The following NLRX1 variants were observed in gnomAD, a reference collection of about 807,000 sequenced individuals.
NLRX1 encodes the protein NOD-like receptor X1.
A neutral mutation model predicts 74.2 loss-of-function variants in NLRX1; 67 were observed. The ratio of observed to expected loss-of-function variants is 0.90; its 90% confidence interval spans 0.74 to 1.11. NLRX1 has a LOEUF of 1.11. NLRX1 is among the 50% of genes least tolerant of loss of function. The pLI is 0.00. For synonymous variants in NLRX1, 506 were observed against 559.1 expected (o/e 0.91, Z 1.34); for missense variants, 1,191 against 1,305.4 (o/e 0.91, Z 1.35).
chr11:119,174,043 C>G lies in NLRX1; in HGVS notation c.794C>G (p.Pro265Arg). The change falls in exon 5 of 10, where the codon CCG (proline) becomes CGG (arginine). Residue 265 changes from proline to arginine, a missense_variant. By Grantham distance (103) the Pro-to-Arg change is moderately radical. Transcript: ENST00000409109. ...GGACTTTGTAGTGACCCGGAGGAACCGCAGGAACCAGCTGCTATCATCGTC... is the reference window on the plus strand; with the variant it reads ...GGACTTTGTAGTGACCCGGAGGAACGGCAGGAACCAGCTGCTATCATCGTC... ...GTGLCSDPEEPQEPAAIIVNL... is the reference protein window; with the variant it reads ...GTGLCSDPEERQEPAAIIVNL... 1 of 1,614,166 alleles carries G rather than the reference C, an allele frequency of 6.2e-7. No homozygotes were observed. The highest frequency in any genetic ancestry group is 1.6e-4 in the Middle Eastern group (1 of 6,062).
In NLRX1 at chr11:119,171,501, T is replaced by C. The variant is rs746165359; in HGVS notation, c.70+28T>C. The stretch of plus-strand genomic sequence containing the variant: ...GAGCAGGAAGCAGGGGTTTCTGTTT[T>C]TACCTCTTTCTTGCTTTCCAGGGTC... On this transcript the variant is annotated intron_variant, in intron 2 of 9. Transcript: ENST00000409109. 3 of 1,560,102 alleles carry C rather than the reference T, an allele frequency of 1.9e-6. No homozygotes were observed. The African/African-American group carries it at 4.1e-5, about 21-fold the overall frequency.
intron 6 of NLRX1, 42 bp from the exon 7 acceptor site, chr11:119,179,651 C>T: frequency 6.5e-7 from 1 of 1,532,136 alleles, no homozygotes; most frequent in South Asian, 1.2e-5. Flanking sequence ...GCTGAACAGG[C>T]ACATGGAAGG....
At position 119,173,227 on chromosome 11, in the gene NLRX1, G is replaced by A. The variant is rs1948599630; in HGVS notation, c.229+238G>A. The A allele has an allele frequency of 1.6e-6, 1 of 617,622 alleles. No homozygotes were observed. The highest frequency in any genetic ancestry group is 2.9e-5 in the Admixed American group (1 of 34,230). The allele number at this position is 617,622 out of a possible 1,614,324, so 38.3% of individuals were successfully genotyped here. The stretch of plus-strand genomic sequence containing the variant: ...ACCATCCCTATGCTCAACAAAGTTG[G>A]GTCAAGCAGGTTAAGACGGCACATA... On this transcript the variant is annotated intron_variant, in intron 4 of 9. Coordinates refer to ENST00000409109, the MANE Select transcript of NLRX1 (RefSeq NM_001282144.2). The surrounding 1 kb of genome is among the most constrained non-coding windows in gnomAD (Gnocchi z 4.0).
intron 6 of NLRX1, among the ~76,000 whole-genome samples, chr11:119,176,787 C>T (rs559301965): frequency 1.3e-5 from 2 of 152,316 alleles, no homozygotes; most frequent in East Asian, 3.9e-4. Flanking sequence ...ACTTTGGCCT[C>T]CCAAAGTGCT....
intron 6 of NLRX1, 114 bp downstream of exon 6, chr11:119,175,388 A>C: frequency 1.2e-6 from 1 of 862,120 alleles, no homozygotes. Flanking sequence ...CCCAGCAGGA[A>C]ACTGCTGCTT....
Position 119,179,858 on chromosome 11 carries a change from G to A in NLRX1, c.1837G>A (p.Glu613Lys). 6.2e-7 allele frequency: 1 copy of A among 1,614,090 alleles called. No individual in the cohort carries two copies. Among genetic ancestry groups the A allele is most frequent in the Non-Finnish European group, 8.5e-7 (1 of 1,180,004 alleles). ...GGAGGGCCCCCGGCGCCACCCAGAT[G>A]AGCCCCCTGAGGATGAAGTCTTCGA... Reference protein sequence around the residue: ...GVEGPRRHPDEPPEDEVFELF... With the variant: ...GVEGPRRHPDKPPEDEVFELF... Residue 613 changes from glutamate to lysine, a missense_variant, in exon 7 of 10, where the codon GAG becomes AAG. Glu to Lys is a moderately conservative substitution (Grantham distance 56, BLOSUM62 1). Coordinates refer to ENST00000409109, the MANE Select transcript of NLRX1 (RefSeq NM_001282144.2).
intron 6 of NLRX1, 120 bp downstream of exon 6, chr11:119,175,394 T>A: frequency 1.2e-6 from 1 of 818,378 alleles, no homozygotes; most frequent in Non-Finnish European, 1.9e-6. Context: ...AGGAAACTGC[T>A]GCTTCCTGCA....
At position 119,176,644 on chromosome 11, in the gene NLRX1, G is replaced by A. The variant is rs961560833; in HGVS notation, c.1671+1370G>A. Among the ~76,000 whole-genome samples, 21 of 149,164 alleles carry A rather than the reference G, an allele frequency of 1.4e-4. No homozygotes were observed. In the South Asian group the frequency reaches 1.6e-3, roughly 12 times the overall value. On this transcript the variant is annotated intron_variant, in intron 6 of 9. Transcript: ENST00000409109. Reference sequence around the variant, plus strand: ...AGAGGTTGCAGTGAGCCAAGATTGCGCCACTGCACTCCAGCCTGAGCAACA... The same window carrying A: ...AGAGGTTGCAGTGAGCCAAGATTGCACCACTGCACTCCAGCCTGAGCAACA...
chr11:119,179,176 C>A (rs559173527), intron 6 of NLRX1, among the ~76,000 whole-genome samples: 1 of 152,182 alleles, frequency 6.6e-6, no homozygotes, highest in African/African-American at 2.4e-5. Flanking sequence ...ATACCTAGCC[C>A]GGTCCCAAAC....
Position 119,172,576 on chromosome 11 carries a change from T to C in NLRX1, c.140+151T>C, listed in dbSNP as rs1948577838. 5 of 663,878 alleles carry C rather than the reference T, an allele frequency of 7.5e-6. No homozygotes were observed. The East Asian group carries it at 1.3e-4, about 17-fold the overall frequency. 41.1% of individuals were successfully genotyped at this position (663,878 alleles called of 1,614,324 possible). Reference sequence around the variant, plus strand: ...GGAGGACAGTGGCAGCTCCAAGGCCTGAGAGGAAGTTGGCTTAGATCATCT... The same window carrying C: ...GGAGGACAGTGGCAGCTCCAAGGCCCGAGAGGAAGTTGGCTTAGATCATCT... On this transcript the variant is annotated intron_variant, in intron 3 of 9. Coordinates refer to ENST00000409109, the MANE Select transcript of NLRX1 (RefSeq NM_001282144.2).
At position 119,173,598 on chromosome 11, in the gene NLRX1, G is replaced by A. The variant is rs763137489; in HGVS notation, c.349G>A (p.Glu117Lys). The A allele has an allele frequency of 6.2e-6, 10 of 1,614,148 alleles. No homozygotes were observed. The highest frequency in any genetic ancestry group is 8.5e-6 in the Non-Finnish European group (10 of 1,180,040). Residue 117 changes from glutamate (E) to lysine (K), a missense_variant, in exon 5 of 10, where the codon GAG becomes AAG. Physicochemically the swap from Glu to Lys is moderately conservative, Grantham distance 56. Transcript: ENST00000409109. The surrounding 1 kb of genome is among the most constrained non-coding windows in gnomAD (Gnocchi z 4.0). ...GGTCCACGTTGACCCTGTGATCCGC[G>A]AGAGTACCCCTGATGAGCTACTTCG... ...DTVHVDPVIRESTPDELLRPP... is the reference protein window; with the variant it reads ...DTVHVDPVIRKSTPDELLRPP...
chr11:119,176,368 T>G (rs1233202978), intron 6 of NLRX1, among the ~76,000 whole-genome samples: 4 of 152,156 alleles, frequency 2.6e-5, no homozygotes, highest in Non-Finnish European at 5.9e-5. Flanking sequence ...CCACCTCAAC[T>G]TCACTGAGTA....
At position 119,179,848 on chromosome 11, in the gene NLRX1, C is replaced by T; in HGVS notation, c.1827C>T (p.Arg609=). Residue 609 remains arginine, a synonymous_variant, in exon 7 of 10, where the codon CGC becomes CGT. Coordinates refer to ENST00000409109, the MANE Select transcript of NLRX1 (RefSeq NM_001282144.2). ...ASILGVEGPR[R]HPDEPPEDEV... is the part of the protein sequence containing the mutation. ...TCCTGGGCGTGGAGGGCCCCCGGCG[C>T]CACCCAGATGAGCCCCCTGAGGATG... 6.2e-7 allele frequency: 1 copy of T among 1,614,112 alleles called. No individual in the cohort carries two copies. Among genetic ancestry groups the T allele is most frequent in the Non-Finnish European group, 8.5e-7 (1 of 1,180,018 alleles).
At chr11:119,169,644 A>G (rs776669261) in intron 1 of NLRX1, among the ~76,000 whole-genome samples, 36 of 152,352 alleles carry the variant, frequency 2.4e-4, no homozygotes, top group Non-Finnish European at 4.9e-4. Flanking sequence ...AAGTGAGTTC[A>G]GAGGCCTCAG....
chr11:119,177,112 C>T (rs144458269), intron 6 of NLRX1, among the ~76,000 whole-genome samples: 3,051 of 152,014 alleles, frequency 0.02, 117 homozygotes, highest in African/African-American at 0.07. Flanking sequence ...GATGGAGTCT[C>T]GCTCTGTCGC....
At chr11:119,171,574 G>A (rs1405380032) in intron 2 of NLRX1, 101 bp downstream of exon 2, 1 of 790,224 alleles carries the variant, frequency 1.3e-6, no homozygotes, top group East Asian at 2.6e-5. Flanking sequence ...AGGTGCACTA[G>A]TCTCAGCTCC....
In NLRX1 at chr11:119,179,674, TC is replaced by T; in HGVS notation, c.1672-15del. The T allele has an allele frequency of 7.0e-7, 1 of 1,421,166 alleles. No individual in the cohort carries two copies. Among genetic ancestry groups the T allele is most frequent in the Non-Finnish European group, 9.3e-7 (1 of 1,070,588 alleles). The allele number at this position is 1,421,166 out of a possible 1,614,324, so 88.0% of individuals were successfully genotyped here. On this transcript the variant is annotated intron_variant, in intron 6 of 9. Coordinates refer to ENST00000409109, the MANE Select transcript of NLRX1 (RefSeq NM_001282144.2). ...GGCACATGGAAGGCCACAGTGACTC[TC>T]CCCTGCTTCTTTTTCAGGTGGTTCC... is the stretch of plus-strand genomic sequence containing the variant.
rs747161224 is a variant in NLRX1, at chr11:119,171,505, CTCTT to C, written c.70+37_70+40del. On this transcript the variant is annotated intron_variant, in intron 2 of 9. Coordinates refer to ENST00000409109, the MANE Select transcript of NLRX1 (RefSeq NM_001282144.2). ...AGGAAGCAGGGGTTTCTGTTTTTAC[CTCTT>C]TCTTGCTTTCCAGGGTCCACATGAT... 9 of 1,527,904 alleles carry C rather than the reference CTCTT, an allele frequency of 5.9e-6. No individual in the cohort carries two copies. In the African/African-American group the frequency reaches 1.1e-4, roughly 19 times the overall value. The allele number at this position is 1,527,904 out of a possible 1,614,324, so 94.6% of individuals were successfully genotyped here.
At position 119,174,596 on chromosome 11, in the gene NLRX1, C is replaced by T. The variant is rs552633626; in HGVS notation, c.993C>T (p.Cys331=). 87 of 1,614,182 alleles carry T rather than the reference C, an allele frequency of 5.4e-5. No individual in the cohort carries two copies. Among genetic ancestry groups the T allele is most frequent in the South Asian group, 4.0e-4 (36 of 91,092 alleles). ...AGCTCCGCCTCAACCAGCCGTACTG[C>T]GGGTATGCCGTTGGCGGTTCAGGTG... is the stretch of plus-strand genomic sequence containing the variant. ...YFQLRLNQPY[C]GYAVGGSGVS... The change falls in exon 6 of 10, where the codon TGC becomes TGT. Residue 331 remains cysteine (C), a synonymous_variant. Coordinates refer to ENST00000409109, the MANE Select transcript of NLRX1 (RefSeq NM_001282144.2).
Sources: gnomAD v4.1 joint callset for allele counts (sites outside exome capture counted in the v4.1 genomes callset) on GRCh38, gnomAD v4.1.1 for gene constraint, Gnocchi (gnomAD v3.1) non-coding constraint, MANE v1.5 for transcripts, NCBI Gene and HGNC (gene_info 2026-07-23, HGNC 2026-07-21) for gene names.